The following MID1 variants were observed in gnomAD, a reference collection of about 807,000 sequenced individuals.
MID1 encodes midline 1, also known as E3 ubiquitin-protein ligase Midline-1.
Under a neutral mutation model 40.4 loss-of-function variants are expected in MID1, and 7 were observed. That is an observed-to-expected ratio of 0.17 (90% CI 0.10 to 0.33). MID1 has a LOEUF of 0.33. MID1 is among the 10% of genes least tolerant of loss of function. The pLI is 1.00. For missense variants in MID1, 367 were observed against 558.5 expected, an observed-to-expected ratio of 0.66 and a Z score of 3.46; for synonymous variants, 229 against 221.2, an observed-to-expected ratio of 1.04 and a Z score of -0.31.
At chrX:10,507,242 T>C (rs1326227807) in intron 3 of MID1, among the ~76,000 whole-genome samples, 1 of 109,861 alleles carries the variant, frequency 9.1e-6, no homozygotes, top group African/African-American at 3.3e-5. Context: ...CTGACAGATG[T>C]TACCATCTAA....
At chrX:10,455,148 T>C (rs1928581663) in intron 8 of MID1, 71 bp from the exon 9 acceptor site, 2 of 966,097 alleles carry the variant, frequency 2.1e-6, no homozygotes, top group African/African-American at 3.8e-5. Context: ...ACCAATAGCA[T>C]ATTTTCAAAA....
At chrX:10,527,315 A>T (rs780932103) in intron 2 of MID1, among the ~76,000 whole-genome samples, 2 of 111,532 alleles carry the variant, frequency 1.8e-5, no homozygotes, top group South Asian at 7.7e-4. Context: ...GGAGACCGGG[A>T]CTACCATCCC....
intron 1 of MID1, among the ~76,000 whole-genome samples, chrX:10,785,271 A>C: frequency 9.1e-6 from 1 of 110,245 alleles, no homozygotes; most frequent in Non-Finnish European, 1.9e-5. Flanking sequence ...GATGTGAAGG[A>C]CCTCTTCAAG....
At chrX:10,558,812 G>A (rs773422246) in intron 2 of MID1, among the ~76,000 whole-genome samples, 2 of 112,717 alleles carry the variant, frequency 1.8e-5, no homozygotes, top group African/African-American at 3.2e-5. Flanking sequence ...GCACAAGAAC[G>A]TTAACAAGGT....
chrX:10,473,613 C>T (rs1929834260), intron 6 of MID1, among the ~76,000 whole-genome samples: 1 of 112,338 alleles, frequency 8.9e-6, no homozygotes, highest in Non-Finnish European at 1.9e-5. Context: ...ATCGCTTTCT[C>T]ACAAACATGT....
chrX:10,461,131 C>A (rs1383541418), intron 7 of MID1, among the ~76,000 whole-genome samples: 3 of 93,078 alleles, frequency 3.2e-5, no homozygotes, highest in African/African-American at 1.3e-4. Flanking sequence ...CTAAAGATAT[C>A]TAAAGATACA....
chrX:10,480,026 C>T (rs929661002), intron 5 of MID1, among the ~76,000 whole-genome samples: 1 of 111,832 alleles, frequency 8.9e-6, no homozygotes, highest in Non-Finnish European at 1.9e-5. Context: ...AGTCTAAGCC[C>T]AGTGTCCTTT....
chrX:10,825,236 CA>C (rs1267718909), intron 1 of MID1, among the ~76,000 whole-genome samples: 9 of 111,776 alleles, frequency 8.1e-5, no homozygotes, highest in African/African-American at 2.6e-4. Context: ...TCCTATAATG[CA>C]ACACCTGCAC....
intron 4 of MID1, among the ~76,000 whole-genome samples, chrX:10,494,807 A>G (rs778347182): frequency 9.1e-6 from 1 of 109,713 alleles, no homozygotes; most frequent in South Asian, 3.9e-4. Context: ...AAGAAAAAAG[A>G]AAGAAAAATT....
rs2043833067 is a variant in MID1 at position 10,779,938 on chromosome X, C to T, written c.-187+53616G>A. On this transcript the variant is annotated intron_variant, in intron 1 of 10. Coordinates refer to the MID1 transcript ENST00000380785. ...GCCTCAATTTTAAGAGCAACAATTT[C>T]TAGAGAGTCCTATTTTTCTTTTCTT... Among the ~76,000 whole-genome samples, 4 of 107,639 alleles carry T rather than the reference C, an allele frequency of 3.7e-5. No individual in the cohort carries two copies. In the South Asian group the frequency reaches 1.2e-3, roughly 32 times the overall value. The allele number at this position is 107,639 out of a possible 115,157, so 93.5% of individuals were successfully genotyped here. A position where few individuals can be genotyped will look rare whatever the true frequency, so the allele number is the denominator to read the frequency against.
At chrX:10,555,989 C>T (rs957303982) in intron 2 of MID1, among the ~76,000 whole-genome samples, 4 of 109,662 alleles carry the variant, frequency 3.6e-5, no homozygotes, top group Non-Finnish European at 5.7e-5. Flanking sequence ...CAGCCCCAGT[C>T]GATACCGAAG....
At chrX:10,781,550 G>C (rs1447037541) in intron 1 of MID1, among the ~76,000 whole-genome samples, 1 of 111,935 alleles carries the variant, frequency 8.9e-6, no homozygotes, top group East Asian at 2.8e-4. Flanking sequence ...CATTGTTGCT[G>C]AAGTCCCCAA....
At chrX:10,474,471 A>AGTT in intron 6 of MID1, 152 bp downstream of exon 6, 1 of 525,956 alleles carries the variant, frequency 1.9e-6, no homozygotes. Flanking sequence ...GAAAAAACAA[A>AGTT]GGGCAATGCA....
intron 1 of MID1, among the ~76,000 whole-genome samples, chrX:10,829,088 T>C (rs142824173): frequency 0.069 from 7,693 of 112,133 alleles, 271 homozygotes; most frequent in Non-Finnish European, 0.11. Context: ...AGTAAACTTG[T>C]TATCTGTTCT....
At chrX:10,668,205 TACTC>T (rs1261102566) in intron 1 of MID1, among the ~76,000 whole-genome samples, 2 of 112,096 alleles carry the variant, frequency 1.8e-5, no homozygotes, top group Non-Finnish European at 1.9e-5. Context: ...ATAGTGCTAT[TACTC>T]ACATAATTTT....
intron 3 of MID1, among the ~76,000 whole-genome samples, chrX:10,503,139 T>G (rs890203709): frequency 9.0e-6 from 1 of 111,358 alleles, no homozygotes; most frequent in Non-Finnish European, 1.9e-5. Context: ...AAAAGAAATA[T>G]GATGATATGA....
At chrX:10,555,398 C>T (rs1322274610) in intron 2 of MID1, among the ~76,000 whole-genome samples, 3 of 111,677 alleles carry the variant, frequency 2.7e-5, no homozygotes, top group African/African-American at 9.8e-5. Context: ...ACACCGAAGT[C>T]AGTGGTTTTT....
At chrX:10,737,042 G>T (rs1330061874) in intron 1 of MID1, among the ~76,000 whole-genome samples, 1 of 112,043 alleles carries the variant, frequency 8.9e-6, no homozygotes. Context: ...CATTGTGTGT[G>T]TGTGTATTCT....
intron 1 of MID1, chrX:10,677,476 G>C (rs773167976): frequency 5.4e-5 from 6 of 111,901 alleles, no homozygotes; most frequent in Non-Finnish European, 1.1e-4. Flanking sequence ...TTTTTATTAC[G>C]TCATTTAAAA....
Sources: gnomAD v4.1 joint callset for allele counts (sites outside exome capture counted in the v4.1 genomes callset) on GRCh38, gnomAD v4.1.1 for gene constraint, MANE v1.5 for transcripts, NCBI Gene and HGNC (gene_info 2026-07-23, HGNC 2026-07-21) for gene names.